The following NCKAP5 variants were observed in gnomAD, a reference collection of about 807,000 sequenced individuals.
NCKAP5 encodes NCK associated protein 5.
NCKAP5 carries 92 observed loss-of-function variants against 167.0 expected under a neutral mutation model. The ratio of observed to expected loss-of-function variants is 0.55; its 90% confidence interval spans 0.47 to 0.66. The LOEUF (loss-of-function observed/expected upper bound fraction) is 0.66. NCKAP5 is among the 30% of genes least tolerant of loss of function. The probability of loss-of-function intolerance (pLI) is 0.00; values close to 1 mark genes in which losing one functional copy is unlikely to be tolerated. For synonymous variants in NCKAP5, 891 were observed against 877.4 expected, an observed-to-expected ratio of 1.02 and a Z score of -0.27; for missense variants, 2,378 against 2,315.0, an observed-to-expected ratio of 1.03 and a Z score of -0.56.
At chr2:132,883,554 G>A (rs538839736) in intron 8 of NCKAP5, among the ~76,000 whole-genome samples, 22 of 151,916 alleles carry the variant, frequency 1.4e-4, no homozygotes, top group Admixed American at 5.2e-4. Context: ...CTTCTTTCCC[G>A]GCAGGCTGCC....
intron 2 of NCKAP5, among the ~76,000 whole-genome samples, chr2:133,537,960 C>T (rs191179117): frequency 2.0e-5 from 3 of 152,260 alleles, no homozygotes; most frequent in Admixed American, 2.0e-4. Context: ...AACAAGCAAA[C>T]TGCATTTAAC....
chr2:132,766,105 C>T (rs775003149), intron 16 of NCKAP5, among the ~76,000 whole-genome samples: 2 of 151,702 alleles, frequency 1.3e-5, no homozygotes, highest in African/African-American at 4.8e-5. Flanking sequence ...CATGGTGAAA[C>T]CCCGTCTCTA....
chr2:133,237,962 G>A (rs1481991083), intron 4 of NCKAP5, among the ~76,000 whole-genome samples: 2 of 152,158 alleles, frequency 1.3e-5, no homozygotes, highest in African/African-American at 2.4e-5. Context: ...GTGAAGGCAC[G>A]GGTCCTGCAG....
At chr2:133,094,825 G>C (rs557927431) in intron 6 of NCKAP5, among the ~76,000 whole-genome samples, 8 of 152,278 alleles carry the variant, frequency 5.3e-5, no homozygotes, top group African/African-American at 1.9e-4. Flanking sequence ...GAGATTCAAA[G>C]CATAAGAATT....
At chr2:133,634,800 T>C in the NCKAP5 span, among the ~76,000 whole-genome samples, 25 of 152,152 alleles carry the variant, frequency 1.6e-4, no homozygotes, top group Admixed American at 1.6e-3. Context: ...GACATACATT[T>C]AAAAATTATT....
At chr2:132,988,260 C>T (rs982699768) in intron 7 of NCKAP5, among the ~76,000 whole-genome samples, 1 of 151,900 alleles carries the variant, frequency 6.6e-6, no homozygotes, top group South Asian at 2.1e-4. Context: ...GTCAGGAGAT[C>T]GAGACCATCA....
chr2:133,247,184 T>G (rs955302194), intron 4 of NCKAP5, among the ~76,000 whole-genome samples: 7 of 152,322 alleles, frequency 4.6e-5, no homozygotes, highest in Non-Finnish European at 1.0e-4. Context: ...ACTGGCAATT[T>G]GGGGCAGAAC....
At chr2:133,501,949 A>C (rs1336568429) in intron 3 of NCKAP5, among the ~76,000 whole-genome samples, 2 of 152,240 alleles carry the variant, frequency 1.3e-5, no homozygotes, top group Non-Finnish European at 2.9e-5. Context: ...CTAATCACAA[A>C]ATTCAACAGG....
chr2:133,210,468 T>C (rs748841099), intron 5 of NCKAP5, among the ~76,000 whole-genome samples: 127 of 152,286 alleles, frequency 8.3e-4, no homozygotes, highest in Non-Finnish European at 1.3e-3. Context: ...TAAAAAAAAC[T>C]GTAAACAGTA....
intron 6 of NCKAP5, among the ~76,000 whole-genome samples, chr2:133,059,906 T>C (rs2079938374): frequency 6.6e-6 from 1 of 151,982 alleles, no homozygotes; most frequent in Non-Finnish European, 1.5e-5. Context: ...AATGACTGTT[T>C]TACTTTGACC....
At chr2:132,847,108 T>C (rs944374682) in intron 11 of NCKAP5, among the ~76,000 whole-genome samples, 6 of 152,050 alleles carry the variant, frequency 3.9e-5, no homozygotes, top group African/African-American at 1.4e-4. Flanking sequence ...TACAAGTACA[T>C]ACAAAGTGGC....
chr2:132,768,020 G>T (rs1162148497), intron 16 of NCKAP5, among the ~76,000 whole-genome samples: 1 of 152,248 alleles, frequency 6.6e-6, no homozygotes, highest in Non-Finnish European at 1.5e-5. Flanking sequence ...TCCTGCAGAA[G>T]AGACTAGGAG....
intron 3 of NCKAP5, among the ~76,000 whole-genome samples, chr2:133,474,112 A>ATATATATCTATC (rs1553649113): frequency 2.0e-4 from 27 of 137,858 alleles, no homozygotes; most frequent in African/African-American, 7.5e-4. Context: ...AGAAAATGTG[A>ATATATATCTATC]TATCTATCTA....
chr2:132,736,582 C>T (rs933434339), intron 16 of NCKAP5, among the ~76,000 whole-genome samples: 1 of 151,428 alleles, frequency 6.6e-6, no homozygotes, highest in African/African-American at 2.4e-5. Flanking sequence ...AGATCGAGAC[C>T]ATCCTGGCCC....
rs145747197 is a variant in NCKAP5, at chr2:133,145,345, T to C, written c.208-15234A>G. Among the ~76,000 whole-genome samples the C allele has an allele frequency of 1.2e-4, 18 of 151,856 alleles. No homozygotes were observed. In the East Asian group the frequency reaches 3.5e-3, roughly 30 times the overall value. On this transcript the variant is annotated intron_variant, in intron 5 of 19. Transcript: ENST00000409261. ...TCACATACCGGGGCCTGTCGGGAAG[T>C]AGGGGTTAAGAGGAGGGAGAGCATT...
At chr2:132,875,625 C>A (rs1418416221) in intron 9 of NCKAP5, among the ~76,000 whole-genome samples, 1 of 152,206 alleles carries the variant, frequency 6.6e-6, no homozygotes, top group Non-Finnish European at 1.5e-5. Flanking sequence ...TACTTCTTTA[C>A]ATGGGAATAG....
At chr2:132,701,651 T>C (rs535221337) in intron 19 of NCKAP5, among the ~76,000 whole-genome samples, 66 of 152,202 alleles carry the variant, frequency 4.3e-4, no homozygotes, top group Non-Finnish European at 8.2e-4. Context: ...CATTAAGATA[T>C]GCCAGACACA....
At chr2:133,572,160 G>C (rs1380342208), upstream of NCKAP5, among the ~76,000 whole-genome samples, 1 of 152,214 alleles carries the variant, frequency 6.6e-6, no homozygotes, top group Admixed American at 6.5e-5. Flanking sequence ...TGACCCTCCA[G>C]TGTCCTAAGG....
intron 19 of NCKAP5, among the ~76,000 whole-genome samples, chr2:132,706,880 T>G (rs7606118): frequency 0.087 from 13,168 of 152,032 alleles, 1,780 homozygotes; most frequent in African/African-American, 0.29. Context: ...AAAAAAAGAA[T>G]GGCATATTAT....
Sources: allele counts gnomAD v4.1 joint callset (sites outside exome capture counted in the v4.1 genomes callset), GRCh38; gene constraint gnomAD v4.1.1; transcripts MANE v1.5; gene names NCBI Gene and HGNC (gene_info 2026-07-23, HGNC 2026-07-21).